SUGCT: variants seen among roughly 807,000 people sequenced by gnomAD.
The protein encoded by SUGCT is succinyl-CoA:glutarate-CoA transferase, also known as succinyl-CoA:glutarate CoA-transferase.
SUGCT carries 41 observed loss-of-function variants against 55.0 expected under a neutral mutation model. The observed-to-expected ratio is 0.74, with a 90% CI of 0.58 to 0.97. The LOEUF (loss-of-function observed/expected upper bound fraction) is 0.97. Among genes scored for constraint, SUGCT ranks in the 50% least tolerant of loss-of-function variants. The pLI is 0.00. For synonymous variants in SUGCT, 187 were observed against 200.4 expected (o/e 0.93, Z 0.56); for missense variants, 568 against 547.8 (o/e 1.04, Z -0.37).
chr7:40,300,631 G>C (rs574115787), intron 8 of SUGCT, among the ~76,000 whole-genome samples: 1 of 152,316 alleles, frequency 6.6e-6, no homozygotes, highest in Admixed American at 6.5e-5. Flanking sequence ...ATATGATATA[G>C]TATGTCATCA....
chr7:40,135,768 T>G (rs756002519), intron 1 of SUGCT, among the ~76,000 whole-genome samples: 8 of 152,020 alleles, frequency 5.3e-5, no homozygotes, highest in Non-Finnish European at 8.8e-5. Flanking sequence ...GAGATTTTCC[T>G]GCTTCAGCCT....
intron 6 of SUGCT, among the ~76,000 whole-genome samples, chr7:40,215,290 G>T (rs1003159278): frequency 6.6e-6 from 1 of 151,986 alleles, no homozygotes; most frequent in African/African-American, 2.4e-5. Context: ...CTACAGGCGC[G>T]TGCCACCATG....
intron 9 of SUGCT, among the ~76,000 whole-genome samples, chr7:40,426,790 G>T (rs892922333): frequency 6.6e-6 from 1 of 151,966 alleles, no homozygotes; most frequent in Non-Finnish European, 1.5e-5. Flanking sequence ...TTTAAGAATG[G>T]CACATTTAAT....
At chr7:40,907,165 A>C in the SUGCT span, among the ~76,000 whole-genome samples, 2 of 148,330 alleles carry the variant, frequency 1.3e-5, no homozygotes, top group Non-Finnish European at 3.0e-5. Context: ...GAGAGAGAGA[A>C]GATTGAGTGG....
At chr7:40,158,680 G>A (rs1187655090) in intron 1 of SUGCT, among the ~76,000 whole-genome samples, 1 of 152,192 alleles carries the variant, frequency 6.6e-6, no homozygotes, top group African/African-American at 2.4e-5. Context: ...AACCCGGGGG[G>A]CAGAGGTTGC....
At chr7:40,947,921 G>A in the SUGCT span, among the ~76,000 whole-genome samples, 1 of 152,178 alleles carries the variant, frequency 6.6e-6, no homozygotes, top group Non-Finnish European at 1.5e-5. Flanking sequence ...GTCTCTTAGT[G>A]AGATTATAAG....
chr7:40,228,400 A>T (rs574398392), intron 6 of SUGCT, among the ~76,000 whole-genome samples: 123 of 151,948 alleles, frequency 8.1e-4, no homozygotes, highest in Admixed American at 2.6e-3. Flanking sequence ...AAAACCAGTT[A>T]ATTTATTCTG....
intron 9 of SUGCT, among the ~76,000 whole-genome samples, chr7:40,331,291 T>G (rs1404606296): frequency 6.6e-6 from 1 of 152,212 alleles, no homozygotes; most frequent in African/African-American, 2.4e-5. Context: ...TCCTCTTTAC[T>G]GCTGAATTTT....
chr7:40,573,615 C>A (rs547994310), intron 12 of SUGCT, among the ~76,000 whole-genome samples: 1 of 152,334 alleles, frequency 6.6e-6, no homozygotes, highest in African/African-American at 2.4e-5. Flanking sequence ...AAAGCAGCAG[C>A]AGATTCTTCA....
intron 12 of SUGCT, among the ~76,000 whole-genome samples, chr7:40,695,742 C>T (rs1022006501): frequency 3.9e-5 from 6 of 151,986 alleles, no homozygotes; most frequent in East Asian, 1.9e-4. Flanking sequence ...TAAGAATAAT[C>T]GTTATGGGGG....
At chr7:40,504,697 G>A (rs1792490931) in intron 12 of SUGCT, among the ~76,000 whole-genome samples, 1 of 152,144 alleles carries the variant, frequency 6.6e-6, no homozygotes, top group Non-Finnish European at 1.5e-5. Context: ...GCCTCCCAGA[G>A]TGCTGGGGTA....
In SUGCT at chr7:40,350,504, T is replaced by C. The variant is rs1017781102; in HGVS notation, c.816+33649T>C. Among the ~76,000 whole-genome samples, 20 of 151,368 alleles carry C rather than the reference T, an allele frequency of 1.3e-4. No homozygotes were observed. In the East Asian group the frequency reaches 3.1e-3, roughly 23 times the overall value. Reference sequence around the variant, plus strand: ...AATTTTTTTTTTTTTTCTTCTTTTTTTTTCTTAGTAGAGTCAGGGTTTCAC... The same window carrying C: ...AATTTTTTTTTTTTTTCTTCTTTTTCTTTCTTAGTAGAGTCAGGGTTTCAC... On this transcript the variant is annotated intron_variant, in intron 9 of 13. Coordinates refer to ENST00000335693, the MANE Select transcript of SUGCT (RefSeq NM_001193313.2).
chr7:40,245,404 C>CATATATATATATATATATAT lies in SUGCT; in HGVS notation c.576+7679_576+7698dup, dbSNP rs202125224. On this transcript the variant is annotated intron_variant, in intron 7 of 13. Coordinates refer to ENST00000335693, the MANE Select transcript of SUGCT (RefSeq NM_001193313.2). ...TAAATTTTTATAGGTACGTAGTAGACATATATATATATATATATATTTTTT... is the reference window on the plus strand; with the variant it reads ...TAAATTTTTATAGGTACGTAGTAGACATATATATATATATATATATATATATATATATATATATATTTTTT... 4.8e-3 allele frequency among the ~76,000 whole-genome samples: 252 copies of CATATATATATATATATATAT among 52,976 alleles called. 3 individuals carry two copies. Among genetic ancestry groups the CATATATATATATATATATAT allele is most frequent in the Middle Eastern group, 0.023 (2 of 86 alleles). 34.8% of individuals were successfully genotyped at this position (52,976 alleles called of 152,430 possible).
chr7:41,010,768 T>A, the SUGCT span, among the ~76,000 whole-genome samples: 15 of 152,134 alleles, frequency 9.9e-5, no homozygotes, highest in Non-Finnish European at 2.1e-4. Flanking sequence ...TTTGGACCCA[T>A]TAAATAAATT....
At chr7:40,759,273 A>C (rs1271760013) in intron 13 of SUGCT, among the ~76,000 whole-genome samples, 1 of 152,176 alleles carries the variant, frequency 6.6e-6, no homozygotes, top group Non-Finnish European at 1.5e-5. Flanking sequence ...GGAAAAATGC[A>C]ATTCACTGTG....
intron 8 of SUGCT, among the ~76,000 whole-genome samples, chr7:40,304,652 G>T (rs1028092489): frequency 1.3e-5 from 2 of 149,694 alleles, no homozygotes; most frequent in Non-Finnish European, 3.0e-5. Context: ...CATCCTCATA[G>T]CTTAACTCCC....
chr7:40,800,734 G>T (rs190378427), intron 13 of SUGCT, among the ~76,000 whole-genome samples: 1 of 152,254 alleles, frequency 6.6e-6, no homozygotes, highest in Admixed American at 6.5e-5. Flanking sequence ...GGCATACAGA[G>T]GGTTCTATAT....
the SUGCT span, chr7:40,965,840 A>T: frequency 6.6e-6 from 1 of 152,222 alleles, no homozygotes; most frequent in East Asian, 1.9e-4. Context: ...TATTTACATT[A>T]GCTGCACTTT....
intron 9 of SUGCT, among the ~76,000 whole-genome samples, chr7:40,384,381 TC>T (rs1204838004): frequency 1.3e-5 from 2 of 152,146 alleles, no homozygotes; most frequent in Non-Finnish European, 2.9e-5. Context: ...CTATTAGTTC[TC>T]CTGTGAAGAG....
Sources: gnomAD v4.1 joint callset for allele counts (sites outside exome capture counted in the v4.1 genomes callset) on GRCh38, gnomAD v4.1.1 for gene constraint, MANE v1.5 for transcripts, NCBI Gene and HGNC (gene_info 2026-07-23, HGNC 2026-07-21) for gene names.